Variants in THBS4 observed in about 807,000 individuals in gnomAD.
THBS4 encodes the protein thrombospondin-4.
THBS4 carries 90 observed loss-of-function variants against 115.7 expected under a neutral mutation model. That is an observed-to-expected ratio of 0.78 (90% confidence interval 0.66 to 0.93). THBS4 has a LOEUF of 0.93. Among genes scored for constraint, THBS4 ranks in the 40% least tolerant of loss-of-function variants. The pLI is 0.00. For synonymous variants in THBS4, 460 were observed against 479.3 expected (o/e 0.96, Z 0.53); for missense variants, 1,087 against 1,232.7 (o/e 0.88, Z 1.77).
intron 13 of THBS4, chr5:80,071,845 C>A: frequency 5.7e-6 from 1 of 175,070 alleles, no homozygotes; most frequent in East Asian, 1.4e-4. Flanking sequence ...CCGCATTGTC[C>A]TCATTGCTGA....
chr5:80,040,224 C>T lies in THBS4; in HGVS notation c.236C>T (p.Ser79Phe), dbSNP rs1305756931. 6.2e-7 allele frequency: 1 copy of T among 1,614,118 alleles called. No individual in the cohort carries two copies. Reference protein sequence around the residue: ...KSSATIFGLYSSTDNSKYFEF... With the variant: ...KSSATIFGLYFSTDNSKYFEF... Reference sequence around the variant, plus strand: ...TCAGCCACCATCTTCGGTCTTTACTCTTCAACTGACAACAGTAAATATTTT... The same window carrying T: ...TCAGCCACCATCTTCGGTCTTTACTTTTCAACTGACAACAGTAAATATTTT... The change falls in exon 2 of 22, where the codon TCT becomes TTT. Residue 79 changes from serine (S) to phenylalanine (F), a missense_variant. Ser to Phe is a radical substitution (Grantham distance 155). Transcript: ENST00000350881.
chr5:80,049,709 G>C (rs987519192), intron 2 of THBS4, among the ~76,000 whole-genome samples: 2 of 152,120 alleles, frequency 1.3e-5, no homozygotes. Context: ...AGACTTGGCA[G>C]CATGAAGGGA....
At chr5:80,002,517 AC>A (rs5869014) in intron 2 of THBS4, among the ~76,000 whole-genome samples, 115,643 of 151,722 alleles carry the variant, frequency 0.76, 45,472 homozygotes, top group East Asian at 0.99. Context: ...CCTCCCAGTG[AC>A]CCCCATGCTC....
chr5:80,059,054 A>G (rs1375003066), intron 5 of THBS4, among the ~76,000 whole-genome samples: 1 of 152,222 alleles, frequency 6.6e-6, no homozygotes, highest in East Asian at 1.9e-4. Flanking sequence ...ACAGAGAGCC[A>G]GGTGCGGTGC....
At chr5:80,075,427 G>A (rs1295151717) in intron 15 of THBS4, 2 of 152,166 alleles carry the variant, frequency 1.3e-5, no homozygotes, top group African/African-American at 4.8e-5. Flanking sequence ...CAGGGGCCGT[G>A]TTATTATTGG....
Position 80,070,723 on chromosome 5 carries a change from T to G in THBS4, c.1533T>G (p.Ala511=), listed in dbSNP as rs766125219. 33 of 1,614,198 alleles carry G rather than the reference T, an allele frequency of 2.0e-5. No individual in the cohort carries two copies. The South Asian group carries it at 3.6e-4, about 18-fold the overall frequency. ...DGIGDACDED[A]DGDGILNEQD... ...TTGGCGACGCTTGTGACGAGGATGC[T>G]GACGGAGATGGGATCCTGAATGAGC... Residue 511 remains alanine (A), a synonymous_variant, in exon 12 of 22, where the codon GCT becomes GCG. Transcript: ENST00000350881.
Position 80,083,099 on chromosome 5 carries a change from C to T in THBS4, c.2844C>T (p.Phe948=). The change falls in exon 22 of 22, where the codon TTC becomes TTT. Residue 948 remains phenylalanine (F), a synonymous_variant. Transcript: ENST00000350881. ...TTGCAGACACCATCCCTGAGGACTT[C>T]CAAGAGTTTCAAACCCAGAATTTCG... ...YRCNDTIPED[F]QEFQTQNFDR... The T allele has an allele frequency of 1.2e-6, 2 of 1,614,010 alleles. No individual in the cohort carries two copies. Among genetic ancestry groups the T allele is most frequent in the Non-Finnish European group, 1.7e-6 (2 of 1,179,872 alleles).
intron 7 of THBS4, among the ~76,000 whole-genome samples, chr5:80,060,558 G>A (rs543003614): frequency 6.6e-6 from 1 of 152,246 alleles, no homozygotes; most frequent in Non-Finnish European, 1.5e-5. Context: ...CCAGGAGTTT[G>A]AGACCAGCCC....
At chr5:80,039,506 T>C (rs987717824) in intron 1 of THBS4, among the ~76,000 whole-genome samples, 7 of 152,210 alleles carry the variant, frequency 4.6e-5, no homozygotes, top group African/African-American at 1.7e-4. Flanking sequence ...CAGAGAAATG[T>C]TGGAGAATTG....
At position 80,065,460 on chromosome 5, in the gene THBS4, A is replaced by G; in HGVS notation, c.1177A>G (p.Ile393Val). ...CRNGACVPNS[I>V]CVNTLGSYRC... ...AAATGGAGCGTGCGTTCCCAACTCG[A>G]TCTGCGTTAATACTTTGGTAAGTAT... Residue 393 changes from isoleucine to valine, a missense_variant, in exon 9 of 22, where the codon ATC becomes GTC. This residue lies in a region of THBS4 where 979 missense variants were observed against 1,103.7 expected (regional missense o/e 0.89). Coordinates refer to ENST00000350881, the MANE Select transcript of THBS4 (RefSeq NM_003248.6). 1.2e-6 allele frequency: 2 copies of G among 1,613,726 alleles called. No individual in the cohort carries two copies. The highest frequency in any genetic ancestry group is 1.7e-6 in the Non-Finnish European group (2 of 1,179,890).
intron 2 of THBS4, among the ~76,000 whole-genome samples, chr5:80,044,625 A>T (rs953104989): frequency 1.3e-5 from 2 of 151,956 alleles, no homozygotes; most frequent in African/African-American, 4.8e-5. Flanking sequence ...GGGTTTTGCC[A>T]TATTGGCCAG....
rs551754815 is a variant in THBS4 at position 80,050,418 on chromosome 5, C to T, written c.293-5367C>T. Reference sequence around the variant, plus strand: ...GTGGGTCAAAGTTAGGTTTTCTTAACGTCTTCTGTTCCTGGGTGTGATGGC... The same window carrying T: ...GTGGGTCAAAGTTAGGTTTTCTTAATGTCTTCTGTTCCTGGGTGTGATGGC... On this transcript the variant is annotated intron_variant, in intron 2 of 21. Coordinates refer to ENST00000350881, the MANE Select transcript of THBS4 (RefSeq NM_003248.6). 5.9e-5 allele frequency among the ~76,000 whole-genome samples: 9 copies of T among 152,092 alleles called. 1 individual carries two copies. The South Asian group carries it at 1.9e-3, about 32-fold the overall frequency.
rs574147966 is a variant in THBS4, at chr5:79,992,775, A to G, written n.81+1363A>G. Among the ~76,000 whole-genome samples the G allele has an allele frequency of 1.4e-4, 22 of 152,372 alleles. 1 individual carries two copies. The South Asian group carries it at 3.5e-3, about 24-fold the overall frequency. ...CAGATAATCACGAGTAGGGTTAGAA[A>G]TATAAGCAAAATACTACAGAAACAC... On this transcript the variant is annotated intron_variant and non_coding_transcript_variant, in intron 1 of 3. Transcript: ENST00000510218.
At chr5:80,072,689 G>T in intron 14 of THBS4, 1 of 379,196 alleles carries the variant, frequency 2.6e-6, no homozygotes, top group Non-Finnish European at 4.9e-6. Flanking sequence ...AACGGAGCAT[G>T]GAAATTAACC....
At position 80,012,385 on chromosome 5, in the gene THBS4, A is replaced by C. The variant is rs1832144625; in HGVS notation, n.177+13958A>C. ...ACTGTATGAGGTAGTGTGGGCATCTAACCAACCAATGTGGTGGTCCTCTTG... is the reference window on the plus strand; with the variant it reads ...ACTGTATGAGGTAGTGTGGGCATCTCACCAACCAATGTGGTGGTCCTCTTG... On this transcript the variant is annotated intron_variant and non_coding_transcript_variant, in intron 2 of 3. Transcript: ENST00000510218. 2.6e-5 allele frequency among the ~76,000 whole-genome samples: 4 copies of C among 152,338 alleles called. No individual in the cohort carries two copies. The South Asian group carries it at 8.3e-4, about 32-fold the overall frequency.
At chr5:79,997,935 A>G (rs1039290244) in intron 1 of THBS4, among the ~76,000 whole-genome samples, 2 of 152,226 alleles carry the variant, frequency 1.3e-5, no homozygotes, top group Admixed American at 6.5e-5. Context: ...AGAAATATAT[A>G]CAATTGATAA....
At chr5:80,079,333 A>G (rs1743376849) in intron 19 of THBS4, 75 bp downstream of exon 19, 1 of 1,458,106 alleles carries the variant, frequency 6.9e-7, no homozygotes, top group Non-Finnish European at 9.1e-7. Flanking sequence ...GTGTTTTCCC[A>G]TGTGGTACTT....
intron 8 of THBS4, among the ~76,000 whole-genome samples, chr5:80,064,537 C>T (rs886954456): frequency 6.6e-6 from 1 of 152,186 alleles, no homozygotes; most frequent in African/African-American, 2.4e-5. Context: ...CCCAACTGGG[C>T]AACATGGCAA....
intron 2 of THBS4, among the ~76,000 whole-genome samples, chr5:80,043,131 A>G (rs992440674): frequency 6.6e-6 from 1 of 152,232 alleles, no homozygotes; most frequent in African/African-American, 2.4e-5. Context: ...GAGAATTCTC[A>G]TAAGGCAAAG....
Sources: allele counts gnomAD v4.1 joint callset (sites outside exome capture counted in the v4.1 genomes callset), GRCh38; gene constraint gnomAD v4.1.1; regional missense constraint gnomAD v4.1.1; transcripts MANE v1.5; gene names NCBI Gene and HGNC (gene_info 2026-07-23, HGNC 2026-07-21).